Variants in LRP2 observed in about 807,000 individuals in gnomAD.
LRP2 encodes low-density lipoprotein receptor-related protein 2.
Under a neutral mutation model 531.0 loss-of-function variants are expected in LRP2, and 172 were observed. The observed-to-expected ratio is 0.32, with a 90% CI of 0.29 to 0.37. The LOEUF (loss-of-function observed/expected upper bound fraction) is 0.37, where lower values mean the gene tolerates loss of function less well. LRP2 is among the 10% of genes least tolerant of loss of function. LRP2 has a pLI of 1.00. For missense variants in LRP2, 5,167 were observed against 5,868.3 expected (o/e 0.88, Z 3.90); for synonymous variants, 1,992 against 2,027.6 (o/e 0.98, Z 0.47).
At chr2:169,158,856 A>AG (rs1491115880) in intron 63 of LRP2, among the ~76,000 whole-genome samples, 1 of 41,722 alleles carries the variant, frequency 2.4e-5, no homozygotes, top group Non-Finnish European at 5.7e-5. Flanking sequence ...TAAAAAAAAA[A>AG]CAAAAAAAAC....
Position 169,247,362 on chromosome 2 carries a change from G to C in LRP2, c.2908+16C>G. 1 of 1,613,700 alleles carries C rather than the reference G, an allele frequency of 6.2e-7. No homozygotes were observed. Among genetic ancestry groups the C allele is most frequent in the African/African-American group, 1.3e-5 (1 of 74,996 alleles). On this transcript the variant is annotated intron_variant, in intron 20 of 78. Coordinates refer to ENST00000649046, the MANE Select transcript of LRP2 (RefSeq NM_004525.3). ...CCCATACAAAAAAATAAAAAAAACT[G>C]GGCAATCTCACTCACCAGTCTGGAT...
At chr2:169,254,782 G>A (rs1442427663) in intron 19 of LRP2, among the ~76,000 whole-genome samples, 1 of 151,266 alleles carries the variant, frequency 6.6e-6, no homozygotes, top group Non-Finnish European at 1.5e-5. Flanking sequence ...ACATTTTCTC[G>A]AATCCCAAAA....
In LRP2 at chr2:169,138,569, A is replaced by G; in HGVS notation, c.13518+8T>C. ...ACCTTCAAATAATCATTTTGAAACC[A>G]TACTCACCATTGCCATTGACCTGTC... On this transcript the variant is annotated splice_region_variant and intron_variant, in intron 75 of 78. Transcript: ENST00000649046. 1 of 1,613,692 alleles carries G rather than the reference A, an allele frequency of 6.2e-7. No individual in the cohort carries two copies. Among genetic ancestry groups the G allele is most frequent in the Non-Finnish European group, 8.5e-7 (1 of 1,179,700 alleles).
intron 71 of LRP2, among the ~76,000 whole-genome samples, chr2:169,140,955 G>C (rs917704953): frequency 6.6e-6 from 1 of 152,116 alleles, no homozygotes; most frequent in African/African-American, 2.4e-5. Flanking sequence ...AGACACCAAA[G>C]CATCAGTAAT....
rs1258534918 is a variant in LRP2 at position 169,157,441 on chromosome 2, A to G, written c.11949T>C (p.Asn3983=). 2 of 1,613,330 alleles carry G rather than the reference A, an allele frequency of 1.2e-6. No homozygotes were observed. Among genetic ancestry groups the G allele is most frequent in the African/African-American group, 1.3e-5 (1 of 75,000 alleles). The part of the protein sequence containing the change: ...NICEQNCTQL[N]EGGFICSCTA... ...TACAGGAGCAGATAAATCCTCCTTC[A>G]TTTAATTGGGTACAATTTTGCTCGC... is the stretch of plus-strand genomic sequence containing the variant. The change falls in exon 64 of 79, where the codon AAT becomes AAC. Residue 3983 remains asparagine, a synonymous_variant. Coordinates refer to ENST00000649046, the MANE Select transcript of LRP2 (RefSeq NM_004525.3).
chr2:169,333,727 A>C (rs561911929), intron 1 of LRP2, among the ~76,000 whole-genome samples: 1 of 152,284 alleles, frequency 6.6e-6, no homozygotes, highest in East Asian at 1.9e-4. Flanking sequence ...GAATGACCTT[A>C]AATTTCCTGT....
rs369802397 is a variant in LRP2, at chr2:169,332,040, T to C, written c.80-11156A>G. On this transcript the variant is annotated intron_variant, in intron 1 of 78. Coordinates refer to ENST00000649046, the MANE Select transcript of LRP2 (RefSeq NM_004525.3). ...TTTCCTGATTAATTAGGTCCAAGTG[T>C]TGAACCATAAATCAAACTGACATGG... Among the ~76,000 whole-genome samples, 9 of 152,342 alleles carry C rather than the reference T, an allele frequency of 5.9e-5. No homozygotes were observed. The East Asian group carries it at 1.2e-3, about 20-fold the overall frequency.
rs1000603698 is a variant in LRP2, at chr2:169,270,319, C to T, written c.2320+585G>A. ...GACACATGCTCACGTATGTTTATTG[C>T]GGCACTATTCACAACAGCAAAAACT... On this transcript the variant is annotated intron_variant, in intron 16 of 78. Transcript: ENST00000649046. 9.9e-5 allele frequency among the ~76,000 whole-genome samples: 15 copies of T among 152,068 alleles called. 1 individual carries two copies. The highest frequency in any genetic ancestry group is 6.3e-3 in the Middle Eastern group (2 of 316).
chr2:169,185,641 C>A lies in LRP2; in HGVS notation c.9707G>T (p.Arg3236Leu), dbSNP rs752719843. 6.2e-7 allele frequency: 1 copy of A among 1,614,160 alleles called. No individual in the cohort carries two copies. The highest frequency in any genetic ancestry group is 8.5e-7 in the Non-Finnish European group (1 of 1,180,008). ...LDNVVALDFD[R>L]VEKRLYWIDT... ...AATCCAATACAATCTCTTCTCTACT[C>A]GGTCAAAATCTAATGCCACAACATT... Residue 3236 changes from arginine (R) to leucine (L), a missense_variant, in exon 50 of 79, where the codon CGA becomes CTA. Arg to Leu is a moderately radical substitution (Grantham distance 102). Transcript: ENST00000649046.
rs4667596 is a variant in LRP2 at position 169,213,662 on chromosome 2, C to T, written c.6035G>A (p.Arg2012Lys). ...PNLRGLQVYHRRNAAESSNGC... is the reference protein window; with the variant it reads ...PNLRGLQVYHKRNAAESSNGC... ...TTTCAGTGACAAATACTTACTGCGT[C>T]TGTGATAAACTTGAAGACCCCTCAG... is the stretch of plus-strand genomic sequence containing the variant. The change falls in exon 36 of 79, where the codon AGA becomes AAA. Residue 2012 changes from arginine (R) to lysine (K), a missense_variant. This residue lies in a region of LRP2 where 2,811 missense variants were observed against 3,058.0 expected (regional missense o/e 0.92). Coordinates refer to ENST00000649046, the MANE Select transcript of LRP2 (RefSeq NM_004525.3). 34,030 of 1,611,600 alleles carry T rather than the reference C, an allele frequency of 0.021. 650 individuals carry two copies. Among genetic ancestry groups the T allele is most frequent in the Admixed American group, 0.078 (4,679 of 59,994 alleles).
At chr2:169,315,692 G>A (rs2105508198) in intron 3 of LRP2, among the ~76,000 whole-genome samples, 1 of 152,288 alleles carries the variant, frequency 6.6e-6, no homozygotes, top group South Asian at 2.1e-4. Flanking sequence ...TGGAATTAAT[G>A]GAGAGCTACC....
chr2:169,308,736 T>C (rs998549010), intron 3 of LRP2, among the ~76,000 whole-genome samples: 6 of 152,108 alleles, frequency 3.9e-5, no homozygotes, highest in Admixed American at 2.0e-4. Flanking sequence ...GGGTATATAC[T>C]CAGTAATGGG....
rs1013252200 is a variant in LRP2, at chr2:169,183,297, T to A, written c.9846-978A>T. Among the ~76,000 whole-genome samples, 99 of 152,202 alleles carry A rather than the reference T, an allele frequency of 6.5e-4. 5 individuals carry two copies. The highest frequency in any genetic ancestry group is 1.3e-4 in the Non-Finnish European group (9 of 68,036). ...AGGCTTCAGCAAGAAAGAATGAGTATCCATATATGTACAAGTCTTGCCAGT... is the reference window on the plus strand; with the variant it reads ...AGGCTTCAGCAAGAAAGAATGAGTAACCATATATGTACAAGTCTTGCCAGT... On this transcript the variant is annotated intron_variant, in intron 50 of 78. Transcript: ENST00000649046.
Position 169,362,022 on chromosome 2 carries a change from C to T in LRP2, c.79+299G>A, listed in dbSNP as rs12692895. Among the ~76,000 whole-genome samples, 35,186 of 152,230 alleles carry T rather than the reference C, an allele frequency of 0.23. 4,782 individuals carry two copies. Among genetic ancestry groups the T allele is most frequent in the Non-Finnish European group, 0.3 (20,705 of 67,974 alleles). On this transcript the variant is annotated intron_variant, in intron 1 of 78. Transcript: ENST00000649046. ...CCTCGTTCTCCCGCAAAGTGCTTTCCAGGAGCATCGGACCAACGCCCGTGG... is the reference window on the plus strand; with the variant it reads ...CCTCGTTCTCCCGCAAAGTGCTTTCTAGGAGCATCGGACCAACGCCCGTGG...
intron 3 of LRP2, among the ~76,000 whole-genome samples, chr2:169,308,614 G>T (rs1316586876): frequency 6.6e-6 from 1 of 152,172 alleles, no homozygotes; most frequent in African/African-American, 2.4e-5. Flanking sequence ...TCTTAATCCA[G>T]TGTATCATTG....
intron 63 of LRP2, 105 bp downstream of exon 63, chr2:169,162,367 A>AC: frequency 1.5e-6 from 2 of 1,340,188 alleles, no homozygotes. Context: ...AGCAAAAAGT[A>AC]CATTAAGGAG....
chr2:169,317,842 C>G (rs1281166153), intron 3 of LRP2, among the ~76,000 whole-genome samples: 1 of 152,106 alleles, frequency 6.6e-6, no homozygotes, highest in Non-Finnish European at 1.5e-5. Context: ...TTTTGGGAGG[C>G]CAAGGCAGGA....
At position 169,241,072 on chromosome 2, in the gene LRP2, C is replaced by T; in HGVS notation, c.3961G>A (p.Gly1321Ser). 6.2e-7 allele frequency: 1 copy of T among 1,614,052 alleles called. No homozygotes were observed. The highest frequency in any genetic ancestry group is 8.5e-7 in the Non-Finnish European group (1 of 1,179,960). ...CTCAGATTCACACAGATGTTATGGCCAAGACACTGCCATTGCCAACTAGGA... is the reference window on the plus strand; with the variant it reads ...CTCAGATTCACACAGATGTTATGGCTAAGACACTGCCATTGCCAACTAGGA... ...RCPSWQWQCL[G>S]HNICVNLSVV... Residue 1321 changes from glycine to serine, a missense_variant, in exon 25 of 79, where the codon GGC becomes AGC. Around this residue, in one of 6 missense-constraint regions of LRP2, gnomAD observed 2,811 missense variants for 3,058.0 expected, o/e 0.92. Transcript: ENST00000649046.
chr2:169,188,234 T>C lies in LRP2; in HGVS notation c.9064A>G (p.Ser3022Gly), dbSNP rs772254944. 2.9e-5 allele frequency: 47 copies of C among 1,614,060 alleles called. No individual in the cohort carries two copies. The highest frequency in any genetic ancestry group is 3.7e-5 in the Non-Finnish European group (44 of 1,180,028). ...TGGTATAAGCAGCCCCTCTCGTCGC[T>C]ATAGTCACCACAGTCATTGTGCCGG... ...CDRHNDCGDY[S>G]DERGCLYQTC... Residue 3022 changes from serine (S) to glycine (G), a missense_variant, in exon 49 of 79, where the codon AGC (serine) becomes GGC (glycine). Physicochemically the swap from Ser to Gly is moderately conservative, Grantham distance 56. Coordinates refer to ENST00000649046, the MANE Select transcript of LRP2 (RefSeq NM_004525.3).
Sources: gnomAD v4.1 joint callset for allele counts (sites outside exome capture counted in the v4.1 genomes callset) on GRCh38, gnomAD v4.1.1 for gene constraint, gnomAD v4.1.1 regional missense constraint, MANE v1.5 for transcripts, NCBI Gene and HGNC (gene_info 2026-07-23, HGNC 2026-07-21) for gene names.